Variants in STIL observed in about 807,000 individuals in gnomAD.
The protein encoded by STIL is STIL centriolar assembly protein.
STIL carries 55 observed loss-of-function variants against 110.1 expected under a neutral mutation model. The ratio of observed to expected loss-of-function variants is 0.50; its 90% CI spans 0.40 to 0.63. The LOEUF (loss-of-function observed/expected upper bound fraction) is 0.63, where lower values mean the gene tolerates loss of function less well. Ranked by LOEUF, STIL falls within the 20% of genes least tolerant of loss-of-function variation. STIL has a pLI of 0.00. For synonymous variants in STIL, 481 were observed against 530.0 expected (o/e 0.91, Z 1.27); for missense variants, 1,358 against 1,530.0 (o/e 0.89, Z 1.87).
intron 12 of STIL, among the ~76,000 whole-genome samples, chr1:47,275,046 G>A (rs1177704906): frequency 6.6e-6 from 1 of 151,938 alleles, no homozygotes; most frequent in African/African-American, 2.4e-5. Context: ...CAGCTACTCA[G>A]GTGATAAAGG....
intron 10 of STIL, among the ~76,000 whole-genome samples, chr1:47,285,022 T>C (rs916659790): frequency 6.9e-6 from 1 of 145,550 alleles, no homozygotes; most frequent in Non-Finnish European, 1.5e-5. Flanking sequence ...TTTTTTGTCT[T>C]TTTTTTTTTT....
At chr1:47,261,962 T>C (rs185719084) in intron 15 of STIL, among the ~76,000 whole-genome samples, 206 of 152,260 alleles carry the variant, frequency 1.4e-3, no homozygotes, top group African/African-American at 4.5e-3. Flanking sequence ...CGAGGACTTA[T>C]GCTAAATTTT....
intron 16 of STIL, among the ~76,000 whole-genome samples, chr1:47,254,182 A>AAAC (rs1644265418): frequency 3.2e-5 from 1 of 31,086 alleles, no homozygotes; most frequent in African/African-American, 1.8e-4. Context: ...CTCTGTCTCA[A>AAAC]AAAAAAAAAA....
At chr1:47,265,154 G>A (rs182535246) in intron 14 of STIL, among the ~76,000 whole-genome samples, 20 of 138,248 alleles carry the variant, frequency 1.4e-4, no homozygotes, top group South Asian at 6.9e-4. Flanking sequence ...AAGGATCTCC[G>A]GAACCCAGGA....
intron 9 of STIL, among the ~76,000 whole-genome samples, chr1:47,288,593 G>A (rs1645376733): frequency 6.6e-6 from 1 of 151,714 alleles, no homozygotes; most frequent in East Asian, 1.9e-4. Flanking sequence ...CGCCACGCCT[G>A]GCCTAAAGAT....
At chr1:47,289,075 A>T (rs79296238) in intron 9 of STIL, among the ~76,000 whole-genome samples, 2 of 150,020 alleles carry the variant, frequency 1.3e-5, no homozygotes, top group Non-Finnish European at 3.0e-5. Context: ...AAAAAAAAAA[A>T]AAAAAAAAAA....
Position 47,259,091 on chromosome 1 carries a change from A to G in STIL, c.3080+1198T>C, listed in dbSNP as rs1401370512. ...AAGCTCTGCCTCCTGGGTTCACGCC[A>G]TTCTCGTGCCTCAGCCTCCTGAGTA... On this transcript the variant is annotated intron_variant, in intron 16 of 16. Coordinates refer to ENST00000371877, the MANE Select transcript of STIL (RefSeq NM_001048166.1). Among the ~76,000 whole-genome samples the G allele has an allele frequency of 2.2e-5, 3 of 137,934 alleles. No individual in the cohort carries two copies. The Admixed American group carries it at 2.4e-4, about 11-fold the overall frequency. The allele number at this position is 137,934 out of a possible 152,430, so 90.5% of individuals were successfully genotyped here.
chr1:47,266,736 T>C (rs1182388529), intron 14 of STIL, among the ~76,000 whole-genome samples: 1 of 152,222 alleles, frequency 6.6e-6, no homozygotes, highest in Admixed American at 6.5e-5. Flanking sequence ...ACTTGGTCTT[T>C]AGTTTATTAA....
intron 3 of STIL, among the ~76,000 whole-genome samples, chr1:47,303,682 T>C (rs1557772237): frequency 6.6e-6 from 1 of 151,660 alleles, no homozygotes; most frequent in Non-Finnish European, 1.5e-5. Flanking sequence ...AAGACAACAA[T>C]AAAAAAAATA....
At chr1:47,261,128 C>T (rs1008984529) in intron 15 of STIL, among the ~76,000 whole-genome samples, 4 of 152,210 alleles carry the variant, frequency 2.6e-5, no homozygotes, top group African/African-American at 9.6e-5. Context: ...TGGCTCACAC[C>T]TGTAATCCCA....
At chr1:47,272,033 T>A (rs1292421666) in intron 13 of STIL, 43 bp downstream of exon 13, 17 of 1,600,622 alleles carry the variant, frequency 1.1e-5, no homozygotes, top group Non-Finnish European at 1.5e-5. Flanking sequence ...ATGAAAAGCA[T>A]TTTTAACAAT....
At chr1:47,303,035 G>A (rs1033637531) in intron 3 of STIL, among the ~76,000 whole-genome samples, 5 of 151,984 alleles carry the variant, frequency 3.3e-5, no homozygotes, top group Non-Finnish European at 7.4e-5. Flanking sequence ...TTTAAAAAAT[G>A]TAAAAGGAAA....
chr1:47,289,378 T>G lies in STIL; in HGVS notation c.1023+57A>C, dbSNP rs1020315048. 2.6e-6 allele frequency: 4 copies of G among 1,514,418 alleles called. No homozygotes were observed. The African/African-American group carries it at 5.5e-5, about 21-fold the overall frequency. The allele number at this position is 1,514,418 out of a possible 1,614,324, so 93.8% of individuals were successfully genotyped here. On this transcript the variant is annotated intron_variant, in intron 9 of 16. Coordinates refer to ENST00000371877, the MANE Select transcript of STIL (RefSeq NM_001048166.1). Reference sequence around the variant, plus strand: ...AGGGTAAAAGCTGTTGGGTTTAAACTGCCAAAGTGCAAAACCCTAAACAGT... The same window carrying G: ...AGGGTAAAAGCTGTTGGGTTTAAACGGCCAAAGTGCAAAACCCTAAACAGT...
intron 1 of STIL, among the ~76,000 whole-genome samples, chr1:47,312,377 C>T (rs780338098): frequency 1.8e-4 from 27 of 151,620 alleles, no homozygotes; most frequent in African/African-American, 5.6e-4. Context: ...GTAGTGAACC[C>T]GGGAGGCGGA....
chr1:47,260,579 TAAC>T (rs751428385), intron 15 of STIL, 40 bp from the exon 16 acceptor site: 3 of 1,599,954 alleles, frequency 1.9e-6, no homozygotes, highest in Non-Finnish European at 1.7e-6. Flanking sequence ...AAATCACTAT[TAAC>T]AATGTTAGGG....
intron 2 of STIL, chr1:47,305,400 C>CA: frequency 5.4e-6 from 1 of 186,536 alleles, no homozygotes; most frequent in Non-Finnish European, 1.1e-5. Context: ...GCTAGGATTA[C>CA]AGGCATTAGC....
rs900959417 is a variant in STIL, at chr1:47,314,126, G to A, written c.-134C>T. 1 of 152,316 alleles carries A rather than the reference G, an allele frequency of 6.6e-6. No homozygotes were observed. Among genetic ancestry groups the A allele is most frequent in the Non-Finnish European group, 1.5e-5 (1 of 68,068 alleles). The allele number at this position is 152,316 out of a possible 1,614,324, so 9.4% of individuals were successfully genotyped here. On this transcript the variant is annotated 5_prime_UTR_variant, in exon 1 of 17. Coordinates refer to ENST00000371877, the MANE Select transcript of STIL (RefSeq NM_001048166.1). The stretch of plus-strand genomic sequence containing the variant: ...ACCGCCGACTCCGGCCCCGCCTCTG[G>A]GACGTTGGGGTCGCGGGAACTGAGG...
chr1:47,259,282 G>A lies in STIL; in HGVS notation c.3080+1007C>T, dbSNP rs1343655194. ...ATTACAGGTGTGAGGTACCGCGCCC[G>A]GCCTTTTTTTTTTTTTTTTTTTTGA... On this transcript the variant is annotated intron_variant, in intron 16 of 16. Transcript: ENST00000371877. 1.4e-4 allele frequency among the ~76,000 whole-genome samples: 14 copies of A among 101,774 alleles called. No homozygotes were observed. The East Asian group carries it at 2.5e-3, about 18-fold the overall frequency. The allele number at this position is 101,774 out of a possible 152,430, so 66.8% of individuals were successfully genotyped here.
intron 2 of STIL, among the ~76,000 whole-genome samples, chr1:47,308,989 T>A (rs1646045045): frequency 6.6e-6 from 1 of 151,588 alleles, no homozygotes; most frequent in African/African-American, 2.4e-5. Flanking sequence ...GAAGCAAAGA[T>A]TGCAGTGAGC....
Sources: gnomAD v4.1 joint callset for allele counts (sites outside exome capture counted in the v4.1 genomes callset) on GRCh38, gnomAD v4.1.1 for gene constraint, MANE v1.5 for transcripts, NCBI Gene and HGNC (gene_info 2026-07-23, HGNC 2026-07-21) for gene names.